The following PRSS53 variants were observed in gnomAD, a reference collection of about 807,000 sequenced individuals.
PRSS53 encodes the protein EDTP308.
In PRSS53, 54 loss-of-function variants were observed where a neutral mutation model predicts 62.7. The observed-to-expected ratio is 0.86, with a 90% CI of 0.69 to 1.08. The LOEUF (loss-of-function observed/expected upper bound fraction) is 1.08, where lower values mean the gene tolerates loss of function less well. PRSS53 is among the 50% of genes least tolerant of loss of function. PRSS53 has a pLI of 0.00. For missense variants in PRSS53, 688 were observed against 728.3 expected (o/e 0.94, Z 0.64); for synonymous variants, 273 against 300.0 (o/e 0.91, Z 0.93).
chr16:31,085,847 G>A (rs1159893902), intron 6 of PRSS53, 117 bp downstream of exon 6: 1 of 899,838 alleles, frequency 1.1e-6, no homozygotes, highest in Non-Finnish European at 1.8e-6. Context: ...CATCCCAGGG[G>A]GTGAAAGAGC....
chr16:31,083,874 C>T, intron 10 of PRSS53, 65 bp from the exon 11 acceptor site: 1 of 1,610,672 alleles, frequency 6.2e-7, no homozygotes, highest in East Asian at 2.2e-5. Context: ...CCCTCCCTCC[C>T]CATTCCTCGA....
chr16:31,087,296 C>A (rs2057244836), intron 3 of PRSS53: 2 of 577,492 alleles, frequency 3.5e-6, no homozygotes, highest in African/African-American at 3.7e-5. Flanking sequence ...TGTGCCCGGC[C>A]TCAGTCTGTG....
rs369984928 is a variant in PRSS53, at chr16:31,086,160, C to T, written c.687G>A (p.Leu229=). The change falls in exon 6 of 11, where the codon CTG becomes CTA. Residue 229 remains leucine (L), a synonymous_variant. Transcript: ENST00000280606. The stretch of plus-strand genomic sequence containing the variant: ...CCCAGTGTCCGTCAGGCTCGAGGCA[C>T]AGCACAGGGCCCCCGGAATCTCCCT... 6.2e-6 allele frequency: 10 copies of T among 1,611,880 alleles called. No homozygotes were observed. In the African/African-American group the frequency reaches 1.1e-4, roughly 17 times the overall value.
At chr16:31,086,969 AG>A (rs1239006796) in intron 3 of PRSS53, 71 bp from the exon 4 acceptor site, 1 of 1,465,052 alleles carries the variant, frequency 6.8e-7, no homozygotes, top group Admixed American at 2.4e-5. Context: ...GAGACCCCAC[AG>A]GTAGGTGGAA....
intron 3 of PRSS53, chr16:31,087,185 C>A: frequency 1.9e-6 from 1 of 521,994 alleles, no homozygotes. Context: ...TTTGTAGAGA[C>A]ATGGTCTTGC....
At chr16:31,086,075 G>A (rs758015534) in exon 6 of PRSS53, 3 of 1,613,856 alleles carry the variant, frequency 1.9e-6, no homozygotes, top group East Asian at 2.2e-5. Flanking sequence ...GTGTTGGTCA[G>A]CAGCACAGGA....
chr16:31,087,130 T>C, intron 3 of PRSS53: 3 of 547,492 alleles, frequency 5.5e-6, no homozygotes, highest in Non-Finnish European at 9.6e-6. Flanking sequence ...CGTGAGTAGC[T>C]GGGACTACAG....
At chr16:31,088,682 AC>A in intron 1 of PRSS53, 69 bp downstream of exon 1, 2 of 1,604,170 alleles carry the variant, frequency 1.2e-6, no homozygotes, top group Non-Finnish European at 1.7e-6. Flanking sequence ...AGAAGCAGGG[AC>A]TGCTGGGGCA....
chr16:31,087,043 C>CTGCA (rs1180932782), intron 3 of PRSS53, 145 bp from the exon 4 acceptor site: 1 of 836,892 alleles, frequency 1.2e-6, no homozygotes, highest in Non-Finnish European at 1.8e-6. Flanking sequence ...GTCGCCCAGG[C>CTGCA]TGCAGTGCAG....
At chr16:31,088,242 G>T in intron 1 of PRSS53, 2 of 1,132,164 alleles carry the variant, frequency 1.8e-6, no homozygotes, top group South Asian at 4.7e-5. Flanking sequence ...CAAGTGGGGA[G>T]GGCCCCAAGA....
At chr16:31,086,698 G>A (rs757652726) in exon 4 of PRSS53, 31 of 1,562,852 alleles carry the variant, frequency 2.0e-5, no homozygotes, top group Non-Finnish European at 2.6e-5. Context: ...GCGATGGGCG[G>A]GCTGGGGCAG....
chr16:31,088,406 T>C, intron 1 of PRSS53: 1 of 1,176,698 alleles, frequency 8.5e-7, no homozygotes, highest in East Asian at 4.9e-5. Flanking sequence ...GCCCAGAGGA[T>C]GGATGAAAAG....
At chr16:31,085,917 T>G (rs372908965) in intron 6 of PRSS53, 47 bp downstream of exon 6, 1 of 1,547,064 alleles carries the variant, frequency 6.5e-7, no homozygotes, top group East Asian at 2.3e-5. Context: ...TAACTGAGGT[T>G]TGCTTCACAG....
At chr16:31,083,727 C>G in exon 11 of PRSS53, 1 of 1,613,378 alleles carries the variant, frequency 6.2e-7, no homozygotes, top group Non-Finnish European at 8.5e-7. Context: ...GTGGGGAGGA[C>G]AGGGGCAGTA....
chr16:31,087,650 T>C (rs2057247804), exon 3 of PRSS53: 1 of 1,611,358 alleles, frequency 6.2e-7, no homozygotes, highest in Non-Finnish European at 8.5e-7. Context: ...CGCCAGGGAC[T>C]GTGTTGCCCT....
chr16:31,087,368 A>G, intron 3 of PRSS53, 169 bp downstream of exon 3: 1 of 621,560 alleles, frequency 1.6e-6, no homozygotes, highest in Non-Finnish European at 2.9e-6. Flanking sequence ...TTCTACCATG[A>G]AAGGTGGTTG....
chr16:31,084,186 G>T, exon 10 of PRSS53: 1 of 1,609,412 alleles, frequency 6.2e-7, no homozygotes, highest in South Asian at 1.1e-5. Flanking sequence ...AGACCTGCCA[G>T]TCCAAACTGC....
At chr16:31,087,195 C>T (rs2057243850) in intron 3 of PRSS53, 1 of 520,914 alleles carries the variant, frequency 1.9e-6, no homozygotes, top group East Asian at 3.4e-5. Context: ...CATGGTCTTG[C>T]TATGTTGCAC....
chr16:31,085,045 C>G, intron 7 of PRSS53, 21 bp from the exon 8 acceptor site: 1 of 1,607,446 alleles, frequency 6.2e-7, no homozygotes, highest in South Asian at 1.1e-5. Context: ...GCAGTGTGGA[C>G]GGCACCAGGT....
Sources: allele counts gnomAD v4.1 joint callset, GRCh38; gene constraint gnomAD v4.1.1; transcripts MANE v1.5; gene names NCBI Gene and HGNC (gene_info 2026-07-23, HGNC 2026-07-21).